The following PATJ variants were observed in gnomAD, a reference collection of about 807,000 sequenced individuals.
The protein encoded by PATJ is inaD-like protein.
In PATJ, 190 loss-of-function variants were observed where a neutral mutation model predicts 224.9. The ratio of observed to expected loss-of-function variants is 0.84; its 90% CI spans 0.75 to 0.95. The LOEUF (loss-of-function observed/expected upper bound fraction) is 0.95, where lower values mean the gene tolerates loss of function less well. Among genes scored for constraint, PATJ ranks in the 40% least tolerant of loss-of-function variants. The pLI, the probability that PATJ is intolerant of heterozygous loss-of-function variation, is 0.00. For synonymous variants in PATJ, 769 were observed against 820.3 expected (o/e 0.94, Z 1.07); for missense variants, 2,121 against 2,270.3 (o/e 0.93, Z 1.34).
At chr1:61,751,030 C>T (rs2148183886) in intron 1 of PATJ, among the ~76,000 whole-genome samples, 1 of 144,010 alleles carries the variant, frequency 6.9e-6, no homozygotes. Flanking sequence ...GATGGAGTCT[C>T]ACACTCTGTT....
chr1:62,143,486 T>C (rs187401964), intron 41 of PATJ, among the ~76,000 whole-genome samples: 9 of 135,802 alleles, frequency 6.6e-5, no homozygotes, highest in Admixed American at 4.1e-4. Flanking sequence ...CGTCTCCCTC[T>C]GTCACCCAGG....
rs1671642795 is a variant in PATJ, at chr1:61,904,775, C to T, written c.3381+3316C>T. Among the ~76,000 whole-genome samples the T allele has an allele frequency of 2.6e-5, 4 of 152,236 alleles. 1 individual carries two copies. The South Asian group carries it at 8.3e-4, about 32-fold the overall frequency. On this transcript the variant is annotated intron_variant, in intron 24 of 43. Transcript: ENST00000642238. ...TCCCTTTCTCTCCCATCCCTAACTT[C>T]TGACAACCAGTTTTCTGTTTCTTGA...
intron 15 of PATJ, among the ~76,000 whole-genome samples, chr1:61,823,311 G>A (rs1040937639): frequency 6.6e-6 from 1 of 152,174 alleles, no homozygotes; most frequent in African/African-American, 2.4e-5. Context: ...TGAATGACTA[G>A]GAAAGAAGTT....
rs546954459 is a variant in PATJ, at chr1:62,003,778, C to T, written c.3867+13414C>T. Among the ~76,000 whole-genome samples the T allele has an allele frequency of 2.0e-5, 3 of 152,308 alleles. No homozygotes were observed. The South Asian group carries it at 6.2e-4, about 32-fold the overall frequency. On this transcript the variant is annotated intron_variant, in intron 28 of 43. Coordinates refer to ENST00000642238, the MANE Select transcript of PATJ (RefSeq NM_001350145.3). ...TGGTACTCCTTTCCTCCCTTTGGTT[C>T]TCCCATCTGCAAAGTGGGAGCAATG...
At chr1:62,125,254 C>CAAAAAAAAA (rs779305398) in intron 39 of PATJ, among the ~76,000 whole-genome samples, 8 of 71,422 alleles carry the variant, frequency 1.1e-4, no homozygotes, top group South Asian at 4.6e-4. Context: ...AAAAAAAAAA[C>CAAAAAAAAA]AAAAAAAAAC....
At chr1:62,058,031 T>A (rs1432678434) in intron 31 of PATJ, among the ~76,000 whole-genome samples, 1 of 152,234 alleles carries the variant, frequency 6.6e-6, no homozygotes, top group Non-Finnish European at 1.5e-5. Context: ...TTATGATTTT[T>A]CAAATTTCCA....
chr1:61,849,541 C>T (rs904110538), intron 17 of PATJ, among the ~76,000 whole-genome samples: 5 of 152,110 alleles, frequency 3.3e-5, no homozygotes, highest in South Asian at 2.1e-4. Flanking sequence ...TGCAGTGAGC[C>T]GTGATTGTGC....
chr1:61,905,085 G>A (rs1300852326), intron 24 of PATJ, among the ~76,000 whole-genome samples: 1 of 63,244 alleles, frequency 1.6e-5, no homozygotes, highest in Non-Finnish European at 3.6e-5. Context: ...CTTCCTTTTT[G>A]TTGAGTCAGG....
At position 62,085,168 on chromosome 1, in the gene PATJ, A is replaced by G. The variant is rs536534254; in HGVS notation, c.4377+520A>G. 1.2e-3 allele frequency among the ~76,000 whole-genome samples: 184 copies of G among 152,316 alleles called. 1 individual carries two copies. The highest frequency in any genetic ancestry group is 2.1e-3 in the Non-Finnish European group (144 of 68,030). ...TCCCAGCCACTCAGGAGTCTGAGGC[A>G]GGAGAATCACTTGAACCCAGGAGGT... On this transcript the variant is annotated intron_variant, in intron 33 of 43. Transcript: ENST00000642238.
chr1:62,019,476 G>A (rs902528281), intron 29 of PATJ, among the ~76,000 whole-genome samples: 4 of 151,612 alleles, frequency 2.6e-5, no homozygotes, highest in South Asian at 2.1e-4. Flanking sequence ...CCGAGATCAC[G>A]CCACTGCACT....
chr1:61,918,724 A>C (rs986176749), intron 26 of PATJ, among the ~76,000 whole-genome samples: 2 of 152,122 alleles, frequency 1.3e-5, no homozygotes, highest in East Asian at 3.9e-4. Context: ...GAACTTTAGG[A>C]GGCCTAAGTA....
At chr1:61,830,885 A>G (rs904726779) in intron 16 of PATJ, among the ~76,000 whole-genome samples, 1 of 152,114 alleles carries the variant, frequency 6.6e-6, no homozygotes, top group Non-Finnish European at 1.5e-5. Context: ...TCAGCTCAAC[A>G]TGGATTAAAG....
chr1:61,882,695 C>T (rs1668266562), intron 21 of PATJ, among the ~76,000 whole-genome samples: 1 of 152,154 alleles, frequency 6.6e-6, no homozygotes, highest in South Asian at 2.1e-4. Flanking sequence ...TAGTGATCCT[C>T]CTGCCTCAGC....
chr1:61,977,291 T>C lies in PATJ; in HGVS notation c.3671-12877T>C, dbSNP rs1457897080. On this transcript the variant is annotated intron_variant, in intron 27 of 43. Coordinates refer to ENST00000642238, the MANE Select transcript of PATJ (RefSeq NM_001350145.3). ...TTGTAGTAGAGATGGGGCTTTGCCA[T>C]GTTGGCCAGGCTGATCTCGAACTCC... Among the ~76,000 whole-genome samples, 11 of 152,138 alleles carry C rather than the reference T, an allele frequency of 7.2e-5. No individual in the cohort carries two copies. In the South Asian group the frequency reaches 1.7e-3, roughly 23 times the overall value.
At chr1:61,879,364 G>T (rs1667773883) in intron 21 of PATJ, among the ~76,000 whole-genome samples, 1 of 152,152 alleles carries the variant, frequency 6.6e-6, no homozygotes, top group Non-Finnish European at 1.5e-5. Context: ...TTGTCAGTAT[G>T]TTGGATGACA....
intron 6 of PATJ, among the ~76,000 whole-genome samples, chr1:61,773,248 T>C (rs1194541652): frequency 1.3e-5 from 2 of 151,854 alleles, no homozygotes; most frequent in Non-Finnish European, 2.9e-5. Flanking sequence ...GGTCTCGAAC[T>C]CCTGACCTCA....
At chr1:62,066,696 G>T (rs979956946) in intron 31 of PATJ, among the ~76,000 whole-genome samples, 1 of 152,176 alleles carries the variant, frequency 6.6e-6, no homozygotes, top group Non-Finnish European at 1.5e-5. Flanking sequence ...CCACAGCATT[G>T]CAGTAAAGAA....
intron 15 of PATJ, 82 bp from the exon 16 acceptor site, chr1:61,827,340 T>C: frequency 8.3e-7 from 1 of 1,208,012 alleles, no homozygotes; most frequent in Non-Finnish European, 1.1e-6. Context: ...TATTTTCATT[T>C]TGGTAGATGG....
Position 62,102,901 on chromosome 1 carries a change from G to A in PATJ, c.4378-5536G>A, listed in dbSNP as rs4996715. ...AAAAAAAAAAGAATAACAAATGAGA[G>A]GGACTCTGTTGGAGATTGGGAGGGG... On this transcript the variant is annotated intron_variant, in intron 33 of 43. Transcript: ENST00000642238. 6.1e-3 allele frequency among the ~76,000 whole-genome samples: 924 copies of A among 150,598 alleles called. 13 individuals carry two copies. The highest frequency in any genetic ancestry group is 0.021 in the African/African-American group (876 of 40,896).
Sources: gnomAD v4.1 joint callset for allele counts (sites outside exome capture counted in the v4.1 genomes callset) on GRCh38, gnomAD v4.1.1 for gene constraint, MANE v1.5 for transcripts, NCBI Gene and HGNC (gene_info 2026-07-23, HGNC 2026-07-21) for gene names.